The following GSE1 variants were observed in gnomAD, a reference collection of about 807,000 sequenced individuals.
GSE1 encodes the protein Gse1 coiled-coil protein, also known as genetic suppressor element 1.
Under a neutral mutation model 112.6 loss-of-function variants are expected in GSE1, and 32 were observed. That is an observed-to-expected ratio of 0.28 (90% confidence interval 0.21 to 0.38). The LOEUF (loss-of-function observed/expected upper bound fraction) is 0.38, where lower values mean the gene tolerates loss of function less well. Among genes scored for constraint, GSE1 ranks in the 10% least tolerant of loss-of-function variants. GSE1 has a pLI of 1.00. For synonymous variants in GSE1, 1,115 were observed against 735.6 expected, an observed-to-expected ratio of 1.52 and a Z score of -8.35; for missense variants, 2,348 against 1,699.2, an observed-to-expected ratio of 1.38 and a Z score of -6.71.
At chr16:85,595,591 T>G (rs1435992568) in intron 1 of GSE1, 1 of 152,312 alleles carries the variant, frequency 6.6e-6, no homozygotes, top group South Asian at 2.1e-4. Flanking sequence ...GTTGGGACTT[T>G]GTAATGCCAG....
intron 1 of GSE1, among the ~76,000 whole-genome samples, chr16:85,564,031 C>T (rs1214707525): frequency 6.6e-6 from 1 of 152,228 alleles, no homozygotes; most frequent in African/African-American, 2.4e-5. Context: ...CCAGTGGGTG[C>T]CGGGCACTGC....
intron 1 of GSE1, among the ~76,000 whole-genome samples, chr16:85,235,892 C>G (rs546613028): frequency 3.6e-4 from 54 of 152,048 alleles, no homozygotes; most frequent in Non-Finnish European, 6.5e-4. Flanking sequence ...GCGCCCCGCC[C>G]CCGCGCTGGC....
chr16:85,389,409 G>A (rs186704741), intron 2 of GSE1, among the ~76,000 whole-genome samples: 4 of 146,994 alleles, frequency 2.7e-5, no homozygotes, highest in Admixed American at 6.9e-5. Flanking sequence ...GCGGTGAGCC[G>A]AGATTGCACC....
At chr16:85,518,144 G>T (rs2052016281) in intron 2 of GSE1, among the ~76,000 whole-genome samples, 1 of 152,198 alleles carries the variant, frequency 6.6e-6, no homozygotes, top group Non-Finnish European at 1.5e-5. Context: ...TGCTGCCACG[G>T]CCCCGCCATC....
At chr16:85,641,670 G>T (rs1216744945) in intron 2 of GSE1, among the ~76,000 whole-genome samples, 1 of 152,268 alleles carries the variant, frequency 6.6e-6, no homozygotes, top group Non-Finnish European at 1.5e-5. Flanking sequence ...TTGTGCGATG[G>T]GGACTTCACC....
At chr16:85,198,005 C>G (rs1308933310) in intron 1 of GSE1, among the ~76,000 whole-genome samples, 1 of 152,158 alleles carries the variant, frequency 6.6e-6, no homozygotes, top group Non-Finnish European at 1.5e-5. Context: ...GTCAACAACT[C>G]CTGCCTCCTA....
chr16:85,355,451 G>A (rs149523310), intron 1 of GSE1, among the ~76,000 whole-genome samples: 63 of 152,304 alleles, frequency 4.1e-4, no homozygotes, highest in African/African-American at 1.5e-3. Context: ...GACCTTGCCT[G>A]TGACCCTGGG....
At chr16:85,484,777 C>A (rs1011308280) in intron 2 of GSE1, among the ~76,000 whole-genome samples, 1 of 152,250 alleles carries the variant, frequency 6.6e-6, no homozygotes, top group Non-Finnish European at 1.5e-5. Context: ...CTGCTCCATG[C>A]GCCGGCTCTG....
chr16:85,670,344 G>A (rs963144731), intron 14 of GSE1, among the ~76,000 whole-genome samples: 4 of 152,182 alleles, frequency 2.6e-5, no homozygotes, highest in African/African-American at 9.7e-5. Context: ...CCATTAAAGA[G>A]TGAAGGTTCC....
At chr16:85,596,965 T>C (rs981257519) in intron 1 of GSE1, among the ~76,000 whole-genome samples, 6 of 150,938 alleles carry the variant, frequency 4.0e-5, no homozygotes, top group Non-Finnish European at 8.8e-5. Context: ...TGTAGTTGTT[T>C]TTTTGTTTGT....
intron 1 of GSE1, among the ~76,000 whole-genome samples, chr16:85,296,801 G>C (rs1475175725): frequency 1.3e-5 from 2 of 151,188 alleles, no homozygotes; most frequent in African/African-American, 4.9e-5. Context: ...GGGAGGAAGG[G>C]ACTGTCACTT....
chr16:85,365,683 GTAGAAGGCGAAGGTTTA>G (rs1436832167), intron 2 of GSE1, among the ~76,000 whole-genome samples: 1 of 152,192 alleles, frequency 6.6e-6, no homozygotes, highest in Non-Finnish European at 1.5e-5. Flanking sequence ...GCGAAGGTTT[GTAGAAGGCGAAGGTTTA>G]TAGAAGGTGA....
intron 1 of GSE1, among the ~76,000 whole-genome samples, chr16:85,560,160 G>A (rs1367621938): frequency 5.0e-5 from 6 of 119,716 alleles, no homozygotes; most frequent in South Asian, 5.3e-4. Context: ...TATGTGAGAC[G>A]GAGTCTCTCT....
intron 2 of GSE1, among the ~76,000 whole-genome samples, chr16:85,442,507 GGAT>G (rs1045386775): frequency 6.6e-6 from 1 of 152,234 alleles, no homozygotes; most frequent in Non-Finnish European, 1.5e-5. Context: ...AGGCTAGAGG[GGAT>G]GATGTGTTGG....
chr16:85,195,703 A>G (rs1328495591), intron 1 of GSE1, among the ~76,000 whole-genome samples: 1 of 152,228 alleles, frequency 6.6e-6, no homozygotes, highest in African/African-American at 2.4e-5. Context: ...AATTAACCCC[A>G]TGAACTTAAC....
rs184948047 is a variant in GSE1, at chr16:85,228,023, C to T, written c.2283+56216C>T. Among the ~76,000 whole-genome samples the T allele has an allele frequency of 4.0e-3, 614 of 152,276 alleles. 3 individuals carry two copies. The highest frequency in any genetic ancestry group is 4.5e-3 in the Non-Finnish European group (307 of 68,024). On this transcript the variant is annotated intron_variant, in intron 1 of 2. Transcript: ENST00000637419. The stretch of plus-strand genomic sequence containing the variant: ...GCAGGGCCTGGGAGGGCTGGGAGGG[C>T]CCCTCTGTGGAGGAGGCAGCAGTCA...
intron 1 of GSE1, among the ~76,000 whole-genome samples, chr16:85,334,003 C>T (rs577820208): frequency 1.9e-4 from 29 of 152,350 alleles, no homozygotes; most frequent in Admixed American, 1.1e-3. Context: ...CCGTCAGCCT[C>T]GGGATCAACA....
At chr16:85,244,361 C>T (rs572631414) in intron 1 of GSE1, among the ~76,000 whole-genome samples, 16 of 152,250 alleles carry the variant, frequency 1.1e-4, no homozygotes, top group South Asian at 8.3e-4. Context: ...GGAAAAGAAA[C>T]GAGATGTTTC....
chr16:85,390,772 T>C (rs2047822377), intron 2 of GSE1, among the ~76,000 whole-genome samples: 2 of 136,824 alleles, frequency 1.5e-5, no homozygotes, highest in Admixed American at 7.8e-5. Flanking sequence ...CGTGCTGGCC[T>C]TGCCTGCTGA....
Sources: gnomAD v4.1 joint callset for allele counts (sites outside exome capture counted in the v4.1 genomes callset) on GRCh38, gnomAD v4.1.1 for gene constraint, MANE v1.5 for transcripts, NCBI Gene and HGNC (gene_info 2026-07-23, HGNC 2026-07-21) for gene names.